BLK: variants seen among roughly 807,000 people sequenced by gnomAD.
The protein encoded by BLK is tyrosine-protein kinase Blk.
Under a neutral mutation model 61.8 loss-of-function variants are expected in BLK, and 64 were observed. That is an observed-to-expected ratio of 1.03 (90% CI 0.85 to 1.27). The LOEUF (loss-of-function observed/expected upper bound fraction) is 1.27, where lower values mean the gene tolerates loss of function less well. Among genes scored for constraint, BLK ranks in the 50% most tolerant of loss-of-function variants. The probability of loss-of-function intolerance (pLI) is 0.00; values close to 1 mark genes in which losing one functional copy is unlikely to be tolerated. For synonymous variants in BLK, 351 were observed against 272.0 expected, an observed-to-expected ratio of 1.29 and a Z score of -2.86; for missense variants, 853 against 660.5, an observed-to-expected ratio of 1.29 and a Z score of -3.19.
chr8:11,531,016 G>T (rs113088775), intron 1 of BLK, among the ~76,000 whole-genome samples: 6 of 152,166 alleles, frequency 3.9e-5, no homozygotes, highest in South Asian at 4.2e-4. Flanking sequence ...TGGTATGATC[G>T]GTCATCTAAT....
chr8:11,523,893 C>A (rs1244208224), intron 1 of BLK, among the ~76,000 whole-genome samples: 1 of 150,900 alleles, frequency 6.6e-6, no homozygotes, highest in Non-Finnish European at 1.5e-5. Context: ...GGAGAAATGG[C>A]TTCCTTCATC....
rs1367213614 is a variant in BLK, at chr8:11,543,308, C to CA, written c.85dup (p.Ser29LysfsTer26). ...AGGGCCAATGGAGCCCCCTGAAGGT[C>CA]AGCGCCCAAGACAAGGACGCCCCGC... On this transcript the variant is annotated frameshift_variant, in exon 2 of 13. Transcript: ENST00000259089. LOFTEE classifies it high-confidence loss of function. The CA allele has an allele frequency of 6.2e-7, 1 of 1,613,620 alleles. No homozygotes were observed. Among genetic ancestry groups the CA allele is most frequent in the Non-Finnish European group, 8.5e-7 (1 of 1,180,018 alleles).
intron 1 of BLK, among the ~76,000 whole-genome samples, chr8:11,535,672 A>C (rs577818923): frequency 4.1e-4 from 62 of 152,206 alleles, no homozygotes; most frequent in Non-Finnish European, 7.6e-4. Flanking sequence ...TCAATGGAGG[A>C]ATAGGGATGC....
At chr8:11,507,050 A>G (rs541635684) in intron 1 of BLK, among the ~76,000 whole-genome samples, 2 of 152,352 alleles carry the variant, frequency 1.3e-5, no homozygotes, top group South Asian at 4.1e-4. Flanking sequence ...AATCTCAGAA[A>G]GGCAGGTAGC....
intron 1 of BLK, among the ~76,000 whole-genome samples, chr8:11,535,661 G>A (rs895640916): frequency 4.6e-5 from 7 of 152,204 alleles, no homozygotes; most frequent in African/African-American, 1.7e-4. Flanking sequence ...TGAGGAACTT[G>A]TCAATGGAGG....
At chr8:11,514,268 T>C (rs549163868) in intron 1 of BLK, among the ~76,000 whole-genome samples, 14 of 152,332 alleles carry the variant, frequency 9.2e-5, no homozygotes, top group Non-Finnish European at 2.1e-4. Context: ...AGAGCCTTGA[T>C]CTGTCCACAG....
chr8:11,556,802 A>G lies in BLK; in HGVS notation c.917A>G (p.Glu306Gly), dbSNP rs1444745527. 1 of 1,614,148 alleles carries G rather than the reference A, an allele frequency of 6.2e-7. No individual in the cohort carries two copies. The change falls in exon 9 of 13, where the codon GAG becomes GGG. Residue 306 changes from glutamate (E) to glycine (G), a missense_variant. Coordinates refer to ENST00000259089, the MANE Select transcript of BLK (RefSeq NM_001715.3). ...LVRLYAVVTK[E>G]PIYIVTEYMA... is the part of the protein sequence containing the mutation. ...CGACTCTACGCAGTGGTCACCAAGG[A>G]GCCCATCTACATTGTCACCGAGTAC...
At chr8:11,547,367 C>T (rs1401380640) in intron 3 of BLK, among the ~76,000 whole-genome samples, 2 of 152,258 alleles carry the variant, frequency 1.3e-5, no homozygotes, top group African/African-American at 4.8e-5. Flanking sequence ...AGGTGACCTT[C>T]ATCAGGTGGG....
intron 1 of BLK, among the ~76,000 whole-genome samples, chr8:11,524,590 T>C (rs1052600706): frequency 2.0e-5 from 3 of 152,214 alleles, no homozygotes; most frequent in South Asian, 4.1e-4. Context: ...AAAGGTTATG[T>C]ATGCTCTTGA....
Position 11,555,700 on chromosome 8 carries a change from G to A in BLK, c.772+216G>A, listed in dbSNP as rs12550718. On this transcript the variant is annotated intron_variant, in intron 8 of 12. Transcript: ENST00000259089. ...ACCGCTTATGGTGGTGGCAGAGCAG[G>A]AACAGAATCCAGCTCACCCAGCCCC... The A allele has an allele frequency of 9.9e-3, 7,194 of 726,962 alleles. 184 individuals carry two copies. Among genetic ancestry groups the A allele is most frequent in the Admixed American group, 0.058 (2,658 of 45,786 alleles). 45.0% of individuals were successfully genotyped at this position (726,962 alleles called of 1,614,324 possible).
At position 11,497,343 on chromosome 8, in the gene BLK, G is replaced by A. The variant is rs144582295; in HGVS notation, c.-2+2752G>A. Among the ~76,000 whole-genome samples the A allele has an allele frequency of 1.4e-3, 208 of 152,226 alleles. 2 individuals are homozygous for A. Among genetic ancestry groups the A allele is most frequent in the Middle Eastern group, 0.01 (3 of 294 alleles). ...TCCCATTTGTGGAATGTTCCCTGGC[G>A]TGCTCCTGCTTGCCTGAATCCCTTC... On this transcript the variant is annotated intron_variant, in intron 1 of 12. Coordinates refer to ENST00000259089, the MANE Select transcript of BLK (RefSeq NM_001715.3).
intron 1 of BLK, among the ~76,000 whole-genome samples, chr8:11,536,180 G>C (rs560895657): frequency 3.3e-5 from 5 of 152,314 alleles, no homozygotes; most frequent in African/African-American, 9.6e-5. Flanking sequence ...GGTTATGTGA[G>C]CAAATGTCTC....
At chr8:11,516,779 C>T (rs1799246127) in intron 1 of BLK, among the ~76,000 whole-genome samples, 1 of 152,234 alleles carries the variant, frequency 6.6e-6, no homozygotes, top group South Asian at 2.1e-4. Flanking sequence ...CTTTGTAAGA[C>T]TGGATTCCAT....
chr8:11,506,272 GC>G (rs535166649), intron 1 of BLK, among the ~76,000 whole-genome samples: 208 of 152,338 alleles, frequency 1.4e-3, no homozygotes, highest in African/African-American at 4.8e-3. Flanking sequence ...GGAGGACAAT[GC>G]CAGGGCTTTT....
chr8:11,504,926 A>G (rs188182390), intron 1 of BLK, among the ~76,000 whole-genome samples: 6 of 152,246 alleles, frequency 3.9e-5, no homozygotes, highest in African/African-American at 9.6e-5. Flanking sequence ...GATACAGAGC[A>G]TATGTACACA....
chr8:11,497,905 C>T (rs1362171451), intron 1 of BLK, among the ~76,000 whole-genome samples: 1 of 152,176 alleles, frequency 6.6e-6, no homozygotes, highest in African/African-American at 2.4e-5. Context: ...CACCTGCCAG[C>T]TGGGAGTGTG....
intron 6 of BLK, among the ~76,000 whole-genome samples, chr8:11,551,621 T>A (rs1343798595): frequency 1.3e-5 from 2 of 152,204 alleles, no homozygotes; most frequent in Non-Finnish European, 1.5e-5. Flanking sequence ...TTCATTGCTA[T>A]ACAGAATCCC....
intron 8 of BLK, chr8:11,556,056 G>C (rs185957970): frequency 1.3e-5 from 3 of 233,490 alleles, no homozygotes; most frequent in South Asian, 6.5e-5. Flanking sequence ...GTCCATGAGT[G>C]CTCCCTTACC....
intron 6 of BLK, chr8:11,553,506 C>T (rs981918541): frequency 1.8e-5 from 6 of 326,550 alleles, no homozygotes; most frequent in African/African-American, 4.3e-5. Context: ...GTCTAAAGCA[C>T]CAGCTTGGGA....
Sources: gnomAD v4.1 joint callset for allele counts (sites outside exome capture counted in the v4.1 genomes callset) on GRCh38, gnomAD v4.1.1 for gene constraint, MANE v1.5 for transcripts, NCBI Gene and HGNC (gene_info 2026-07-23, HGNC 2026-07-21) for gene names.